The following ADAMTS17 variants were observed in gnomAD, a reference collection of about 807,000 sequenced individuals.
The protein encoded by ADAMTS17 is ADAM metallopeptidase with thrombospondin type 1 motif 17, also known as A disintegrin and metalloproteinase with thrombospondin motifs 17.
ADAMTS17 carries 113 observed loss-of-function variants against 141.5 expected under a neutral mutation model. The observed-to-expected ratio is 0.80, with a 90% CI of 0.69 to 0.93. The LOEUF (loss-of-function observed/expected upper bound fraction) is 0.93. Among genes scored for constraint, ADAMTS17 ranks in the 40% least tolerant of loss-of-function variants. The probability of loss-of-function intolerance (pLI) is 0.00; values close to 1 mark genes in which losing one functional copy is unlikely to be tolerated. For synonymous variants in ADAMTS17, 768 were observed against 630.6 expected (o/e 1.22, Z -3.27); for missense variants, 1,659 against 1,517.9 (o/e 1.09, Z -1.54).
At chr15:100,059,211 G>C (rs1366444425) in intron 15 of ADAMTS17, among the ~76,000 whole-genome samples, 1 of 152,268 alleles carries the variant, frequency 6.6e-6, no homozygotes, top group African/African-American at 2.4e-5. Context: ...TTTGAGGCCA[G>C]GCGTGGGTTT....
chr15:100,069,317 C>G (rs1285818010), intron 15 of ADAMTS17, among the ~76,000 whole-genome samples: 2 of 152,222 alleles, frequency 1.3e-5, no homozygotes, highest in Admixed American at 1.3e-4. Flanking sequence ...GGAAAACACT[C>G]TGCAGGATAT....
chr15:100,269,870 A>G (rs888294209), intron 4 of ADAMTS17, among the ~76,000 whole-genome samples: 1 of 152,100 alleles, frequency 6.6e-6, no homozygotes, highest in African/African-American at 2.4e-5. Context: ...GCCTCCCTCT[A>G]TACCTCCAAA....
chr15:100,271,228 T>C (rs2043899058), intron 4 of ADAMTS17, among the ~76,000 whole-genome samples: 1 of 152,230 alleles, frequency 6.6e-6, no homozygotes, highest in African/African-American at 2.4e-5. Context: ...ATATCTGTTC[T>C]TGTCCCTGCT....
intron 7 of ADAMTS17, among the ~76,000 whole-genome samples, chr15:100,205,739 G>A (rs1027578945): frequency 2.6e-5 from 4 of 152,182 alleles, no homozygotes; most frequent in Non-Finnish European, 4.4e-5. Flanking sequence ...CAGGCCTTGC[G>A]CCGGGCAGAG....
At position 100,163,634 on chromosome 15, in the gene ADAMTS17, C is replaced by T. The variant is rs79112677; in HGVS notation, c.1182-8314G>A. Among the ~76,000 whole-genome samples, 2,695 of 152,252 alleles carry T rather than the reference C, an allele frequency of 0.018. 152 individuals are homozygous for T. In the East Asian group the frequency reaches 0.19, roughly 11 times the overall value. On this transcript the variant is annotated intron_variant, in intron 8 of 21. Coordinates refer to ENST00000268070, the MANE Select transcript of ADAMTS17 (RefSeq NM_139057.4). Reference sequence around the variant, plus strand: ...CCAAGTAGCTGGGATTACAGGTGCACGCCACCACGCTTGGCTAGTGAAGTT... The same window carrying T: ...CCAAGTAGCTGGGATTACAGGTGCATGCCACCACGCTTGGCTAGTGAAGTT...
At chr15:100,175,188 A>G (rs576627664) in intron 8 of ADAMTS17, among the ~76,000 whole-genome samples, 2 of 152,342 alleles carry the variant, frequency 1.3e-5, no homozygotes, top group South Asian at 4.1e-4. Context: ...TGCCTTTTTA[A>G]AAAAGTAACT....
At chr15:100,168,964 A>G (rs1267257164) in intron 8 of ADAMTS17, among the ~76,000 whole-genome samples, 2 of 152,190 alleles carry the variant, frequency 1.3e-5, no homozygotes, top group East Asian at 3.9e-4. Flanking sequence ...CGGAGGGGCG[A>G]CTATAATGGC....
At chr15:100,318,561 A>T (rs931848958) in intron 3 of ADAMTS17, among the ~76,000 whole-genome samples, 5 of 152,214 alleles carry the variant, frequency 3.3e-5, no homozygotes, top group Non-Finnish European at 5.9e-5. Context: ...TAGTACCTTG[A>T]TCTTGGGCTT....
intron 15 of ADAMTS17, among the ~76,000 whole-genome samples, chr15:100,081,173 G>A (rs1358272025): frequency 2.6e-5 from 4 of 152,150 alleles, no homozygotes; most frequent in Non-Finnish European, 4.4e-5. Context: ...GAAAAGGAGA[G>A]GTGGGCCTAG....
intron 7 of ADAMTS17, among the ~76,000 whole-genome samples, chr15:100,218,191 T>C (rs925520219): frequency 2.6e-5 from 4 of 152,174 alleles, no homozygotes; most frequent in African/African-American, 9.7e-5. Flanking sequence ...GATTTTAAAT[T>C]TTCTCACCAC....
intron 15 of ADAMTS17, among the ~76,000 whole-genome samples, chr15:100,088,281 AG>A (rs753735511): frequency 3.9e-5 from 6 of 152,234 alleles, no homozygotes; most frequent in Non-Finnish European, 8.8e-5. Context: ...CCAATTTACA[AG>A]GGATGTGAAG....
intron 15 of ADAMTS17, among the ~76,000 whole-genome samples, chr15:100,064,020 CT>C (rs2033330959): frequency 6.6e-6 from 1 of 152,182 alleles, no homozygotes; most frequent in Non-Finnish European, 1.5e-5. Flanking sequence ...TGGGCCCCCC[CT>C]TCAACCAGAA....
chr15:100,321,904 G>A (rs1309049337), intron 3 of ADAMTS17, among the ~76,000 whole-genome samples: 1 of 152,172 alleles, frequency 6.6e-6, no homozygotes, highest in Admixed American at 6.5e-5. Context: ...TTGAGATTAT[G>A]TACTCTTTTC....
intron 3 of ADAMTS17, among the ~76,000 whole-genome samples, chr15:100,294,087 A>C (rs772922094): frequency 3.8e-4 from 58 of 152,176 alleles, no homozygotes; most frequent in Non-Finnish European, 1.2e-4. Context: ...TGTGGGATTA[A>C]GAGGCCCACG....
intron 7 of ADAMTS17, among the ~76,000 whole-genome samples, chr15:100,241,365 T>A (rs915281579): frequency 6.6e-6 from 1 of 152,186 alleles, no homozygotes; most frequent in Non-Finnish European, 1.5e-5. Context: ...GTCCTCTTAG[T>A]CCCCACAGGG....
intron 7 of ADAMTS17, among the ~76,000 whole-genome samples, chr15:100,236,319 C>T: frequency 6.7e-6 from 1 of 148,396 alleles, no homozygotes; most frequent in South Asian, 2.1e-4. Context: ...AGAGAAGACC[C>T]CCAGCCACAA....
chr15:100,074,062 A>T (rs1428005370), intron 15 of ADAMTS17: 1 of 152,626 alleles, frequency 6.6e-6, no homozygotes. Context: ...TAATAGTTTT[A>T]CTCTTTTGAA....
chr15:100,298,241 A>G (rs2044894124), intron 3 of ADAMTS17, among the ~76,000 whole-genome samples: 1 of 152,154 alleles, frequency 6.6e-6, no homozygotes, highest in Non-Finnish European at 1.5e-5. Flanking sequence ...ACATAAAATG[A>G]AGAAACCCAG....
intron 15 of ADAMTS17, among the ~76,000 whole-genome samples, chr15:100,057,578 C>T (rs578224612): frequency 2.8e-4 from 43 of 152,268 alleles, no homozygotes; most frequent in Admixed American, 1.7e-3. Context: ...CCCACTGTGC[C>T]CATGACACGG....
Sources: allele counts gnomAD v4.1 joint callset (sites outside exome capture counted in the v4.1 genomes callset), GRCh38; gene constraint gnomAD v4.1.1; transcripts MANE v1.5; gene names NCBI Gene and HGNC (gene_info 2026-07-23, HGNC 2026-07-21).